The following FRYL variants were observed in gnomAD, a reference collection of about 807,000 sequenced individuals.
FRYL encodes protein furry homolog-like.
In FRYL, 150 loss-of-function variants were observed where a neutral mutation model predicts 351.2. That is an observed-to-expected ratio of 0.43 (90% CI 0.37 to 0.49). FRYL has a LOEUF of 0.49. Among genes scored for constraint, FRYL ranks in the 20% least tolerant of loss-of-function variants. The pLI, the probability that FRYL is intolerant of heterozygous loss-of-function variation, is 0.00. For synonymous variants in FRYL, 1,153 were observed against 1,257.1 expected, an observed-to-expected ratio of 0.92 and a Z score of 1.75; for missense variants, 3,036 against 3,619.3, an observed-to-expected ratio of 0.84 and a Z score of 4.13.
chr4:48,566,071 T>C (rs1358875507), intron 28 of FRYL, among the ~76,000 whole-genome samples: 1 of 152,236 alleles, frequency 6.6e-6, no homozygotes, highest in African/African-American at 2.4e-5. Context: ...CTTGGTTCAC[T>C]GGTAAGTAAG....
chr4:48,504,920 A>G (rs1720579359), intron 60 of FRYL, among the ~76,000 whole-genome samples: 1 of 152,140 alleles, frequency 6.6e-6, no homozygotes, highest in African/African-American at 2.4e-5. Context: ...GTAGAATATA[A>G]AAGACTGGAA....
intron 1 of FRYL, among the ~76,000 whole-genome samples, chr4:48,735,026 A>G (rs1274781853): frequency 6.9e-6 from 1 of 145,430 alleles, no homozygotes; most frequent in African/African-American, 2.6e-5. Context: ...CATCAGAGTG[A>G]ACAGGCAACC....
At chr4:48,524,645 G>A (rs1046387078) in intron 53 of FRYL, among the ~76,000 whole-genome samples, 3 of 152,044 alleles carry the variant, frequency 2.0e-5, no homozygotes, top group South Asian at 2.1e-4. Flanking sequence ...ATAAATTAGC[G>A]TGCTCCACCC....
intron 16 of FRYL, among the ~76,000 whole-genome samples, chr4:48,592,131 T>C (rs1362564966): frequency 1.4e-5 from 2 of 145,458 alleles, no homozygotes; most frequent in African/African-American, 5.3e-5. Context: ...CTAAGTAAGA[T>C]TAAAAGTTTA....
intron 7 of FRYL, among the ~76,000 whole-genome samples, chr4:48,611,267 TTG>T (rs1748133427): frequency 6.6e-6 from 1 of 152,152 alleles, no homozygotes; most frequent in Admixed American, 6.5e-5. Context: ...ACATAAATAG[TTG>T]TTATACTGTA....
At chr4:48,606,239 C>T (rs1560701959) in intron 10 of FRYL, among the ~76,000 whole-genome samples, 199 bp downstream of exon 10, 1 of 151,684 alleles carries the variant, frequency 6.6e-6, no homozygotes, top group South Asian at 2.1e-4. Flanking sequence ...TGCCACTGCA[C>T]TCCAGCCTGG....
rs1369634867 is a variant in FRYL at position 48,500,103 on chromosome 4, C to T, written c.8710G>A (p.Ala2904Thr). The T allele has an allele frequency of 6.3e-7, 1 of 1,597,254 alleles. No homozygotes were observed. The highest frequency in any genetic ancestry group is 1.3e-5 in the African/African-American group (1 of 74,108). Reference protein sequence around the residue: ...SKAAQTTIETAIHSLIETLKN... With the variant: ...SKAAQTTIETTIHSLIETLKN... ...AAAGTTTCAATTAAAGAATGAATGGCAGTTTCTATAGTAGTTTGTGCAGCT... is the reference window on the plus strand; with the variant it reads ...AAAGTTTCAATTAAAGAATGAATGGTAGTTTCTATAGTAGTTTGTGCAGCT... The change falls in exon 63 of 64, where the codon GCC (alanine) becomes ACC (threonine). Residue 2904 changes from alanine (A) to threonine (T), a missense_variant. Transcript: ENST00000358350.
At chr4:48,630,143 C>G (rs1486655938) in intron 4 of FRYL, among the ~76,000 whole-genome samples, 1 of 152,096 alleles carries the variant, frequency 6.6e-6, no homozygotes, top group African/African-American at 2.4e-5. Flanking sequence ...GGGACTCTGA[C>G]AAGTCCCCCA....
At chr4:48,539,448 G>C (rs1248848630) in intron 47 of FRYL, among the ~76,000 whole-genome samples, 2 of 152,108 alleles carry the variant, frequency 1.3e-5, no homozygotes, top group Non-Finnish European at 2.9e-5. Flanking sequence ...CTTCGATAGT[G>C]ATCTAAGTCA....
rs73148233 is a variant in FRYL, at chr4:48,625,189, A to G, written c.121-2010T>C. ...CTACATACATACAAACACACACCCT[A>G]TTGGTTCCATTTCTCTGGAGAACCC... On this transcript the variant is annotated intron_variant, in intron 4 of 63. Coordinates refer to ENST00000358350, the MANE Select transcript of FRYL (RefSeq NM_015030.2). Among the ~76,000 whole-genome samples, 145 of 152,236 alleles carry G rather than the reference A, an allele frequency of 9.5e-4. 1 individual carries two copies. The highest frequency in any genetic ancestry group is 3.4e-3 in the African/African-American group (140 of 41,532).
chr4:48,635,996 T>C (rs1458336037), intron 3 of FRYL, among the ~76,000 whole-genome samples: 1 of 152,170 alleles, frequency 6.6e-6, no homozygotes, highest in Non-Finnish European at 1.5e-5. Context: ...TAGGTCAAAA[T>C]ACACAAATCT....
chr4:48,625,177 A>AGGTTCCATTTCT (rs1439856444), intron 4 of FRYL, among the ~76,000 whole-genome samples: 2 of 152,130 alleles, frequency 1.3e-5, no homozygotes, highest in African/African-American at 4.8e-5. Context: ...CATACATACA[A>AGGTTCCATTTCT]ACACACACCC....
intron 13 of FRYL, among the ~76,000 whole-genome samples, chr4:48,601,466 C>T (rs1745682900): frequency 6.6e-6 from 1 of 152,136 alleles, no homozygotes; most frequent in Admixed American, 6.6e-5. Flanking sequence ...GTTTTCAGGA[C>T]TAAGAGAGGC....
chr4:48,499,830 T>A (rs117996253), intron 63 of FRYL, 150 bp from the exon 64 acceptor site: 5 of 840,590 alleles, frequency 5.9e-6, no homozygotes, highest in East Asian at 5.2e-5. Flanking sequence ...AAGTACCACC[T>A]GAATTCACTT....
rs180810748 is a variant in FRYL at position 48,723,372 on chromosome 4, G to A, written c.-383-12674C>T. Among the ~76,000 whole-genome samples, 522 of 152,026 alleles carry A rather than the reference G, an allele frequency of 3.4e-3. 6 individuals carry two copies. The highest frequency in any genetic ancestry group is 0.011 in the African/African-American group (474 of 41,466). On this transcript the variant is annotated intron_variant, in intron 1 of 63. Transcript: ENST00000358350. ...TGCCCAGGCTGGTCTCGAATGCCTG[G>A]CCTCAAGCAATCCACCCAGCTCAGC...
chr4:48,759,747 G>A (rs897552406), intron 1 of FRYL, among the ~76,000 whole-genome samples: 3 of 152,108 alleles, frequency 2.0e-5, no homozygotes, highest in African/African-American at 7.2e-5. Context: ...ACCTGCGTCT[G>A]GTCTTGCTGG....
chr4:48,639,486 T>TAA lies in FRYL; in HGVS notation c.-80-4998_-80-4997dup, dbSNP rs60147838. On this transcript the variant is annotated intron_variant, in intron 3 of 63. Transcript: ENST00000358350. ...CTAGAATAACTAGAAATCCACATGT[T>TAA]AAAAAAAAAAATCTAGATACAGAAC... Among the ~76,000 whole-genome samples, 855 of 149,078 alleles carry TAA rather than the reference T, an allele frequency of 5.7e-3. 10 individuals are homozygous for TAA. Among genetic ancestry groups the TAA allele is most frequent in the African/African-American group, 0.019 (769 of 40,904 alleles).
chr4:48,519,819 C>T lies in FRYL; in HGVS notation c.7689+1229G>A, dbSNP rs533113922. On this transcript the variant is annotated intron_variant, in intron 55 of 63. Transcript: ENST00000358350. ...TGACATCTCAGCTCACTGCAACCTC[C>T]GCCTCCCGGGTTCAAGTGATTCTCC... Among the ~76,000 whole-genome samples the T allele has an allele frequency of 2.8e-4, 42 of 152,044 alleles. No homozygotes were observed. The South Asian group carries it at 8.1e-3, about 29-fold the overall frequency.
intron 62 of FRYL, 49 bp from the exon 63 acceptor site, chr4:48,500,269 A>G: frequency 8.3e-7 from 1 of 1,207,542 alleles, no homozygotes; most frequent in Non-Finnish European, 1.1e-6. Context: ...TGGTAACAAA[A>G]ACATTTAGTT....
Sources: allele counts gnomAD v4.1 joint callset (sites outside exome capture counted in the v4.1 genomes callset), GRCh38; gene constraint gnomAD v4.1.1; transcripts MANE v1.5; gene names NCBI Gene and HGNC (gene_info 2026-07-23, HGNC 2026-07-21).